REDIC1: variants seen among roughly 807,000 people sequenced by gnomAD.
The protein encoded by REDIC1 is regulator of DNA class I crossover intermediates 1, also known as HEI10 Interacting Protein 1.
the REDIC1 span, among the ~76,000 whole-genome samples, chr12:39,734,710 C>T: frequency 2.0e-3 from 309 of 152,290 alleles, no homozygotes; most frequent in Non-Finnish European, 3.4e-3. Flanking sequence ...AGTTTGAACT[C>T]TATTCTGTTT....
chr12:39,765,206 G>A, the REDIC1 span, among the ~76,000 whole-genome samples: 2 of 152,014 alleles, frequency 1.3e-5, no homozygotes, highest in African/African-American at 4.8e-5. Context: ...ATCATGACAA[G>A]ATTCAAATTT....
At chr12:39,791,071 G>GT in the REDIC1 span, among the ~76,000 whole-genome samples, 3 of 142,630 alleles carry the variant, frequency 2.1e-5, no homozygotes, top group African/African-American at 7.8e-5. Context: ...GGGGTTGTTT[G>GT]TTTTTTTCTT....
the REDIC1 span, among the ~76,000 whole-genome samples, chr12:39,801,396 A>G: frequency 1.3e-5 from 2 of 152,062 alleles, no homozygotes; most frequent in African/African-American, 4.8e-5. Flanking sequence ...GCAAAGGCAT[A>G]AACAAAACAT....
At chr12:39,806,842 T>C in the REDIC1 span, among the ~76,000 whole-genome samples, 1 of 152,124 alleles carries the variant, frequency 6.6e-6, no homozygotes. Context: ...TTTAAGAGGG[T>C]TAATTGTTAA....
At chr12:39,896,092 A>G in the REDIC1 span, among the ~76,000 whole-genome samples, 3 of 132,848 alleles carry the variant, frequency 2.3e-5, no homozygotes, top group African/African-American at 8.4e-5. Context: ...ACATATATGT[A>G]TACACGTGTA....
chr12:39,667,075 G>T, the REDIC1 span, among the ~76,000 whole-genome samples: 1 of 152,130 alleles, frequency 6.6e-6, no homozygotes, highest in East Asian at 1.9e-4. Flanking sequence ...CTTCAGTTCT[G>T]CTCTGATCTT....
chr12:39,646,744 A>G, the REDIC1 span: 1 of 783,388 alleles, frequency 1.3e-6, no homozygotes, highest in South Asian at 2.2e-5. Flanking sequence ...AGGTTTCTAT[A>G]TGTTTTGTGT....
chr12:39,901,861 T>C, the REDIC1 span, among the ~76,000 whole-genome samples: 1 of 150,324 alleles, frequency 6.7e-6, no homozygotes. Context: ...CAAAGGACTA[T>C]AAATCATGCT....
chr12:39,644,908 G>T, the REDIC1 span, among the ~76,000 whole-genome samples: 1 of 151,878 alleles, frequency 6.6e-6, no homozygotes, highest in East Asian at 1.9e-4. Context: ...TCTTAAGATT[G>T]GAAGAAATGG....
At chr12:39,718,892 C>A in the REDIC1 span, among the ~76,000 whole-genome samples, 1 of 152,114 alleles carries the variant, frequency 6.6e-6, no homozygotes, top group Non-Finnish European at 1.5e-5. Context: ...AGCATTAGAT[C>A]CTTCAGCTTC....
chr12:39,712,901 G>A, the REDIC1 span, among the ~76,000 whole-genome samples: 13 of 143,830 alleles, frequency 9.0e-5, no homozygotes, highest in Admixed American at 2.8e-4. Context: ...GCATATACGT[G>A]TATATACGTA....
chr12:39,652,184 A>G, the REDIC1 span, among the ~76,000 whole-genome samples: 1 of 152,114 alleles, frequency 6.6e-6, no homozygotes, highest in Non-Finnish European at 1.5e-5. Flanking sequence ...GTTTTTGCCT[A>G]TTCCAAATAT....
At chr12:39,867,274 T>G in the REDIC1 span, among the ~76,000 whole-genome samples, 1 of 152,200 alleles carries the variant, frequency 6.6e-6, no homozygotes, top group Non-Finnish European at 1.5e-5. Flanking sequence ...AAGATGAGTC[T>G]CTTCTTTCAT....
chr12:39,856,455 G>A, the REDIC1 span, among the ~76,000 whole-genome samples: 2 of 152,114 alleles, frequency 1.3e-5, no homozygotes, highest in Non-Finnish European at 2.9e-5. Context: ...TGTAACCTCT[G>A]CCTCCCGGGC....
chr12:39,732,647 T>C, the REDIC1 span, among the ~76,000 whole-genome samples: 2 of 152,234 alleles, frequency 1.3e-5, no homozygotes, highest in African/African-American at 2.4e-5. Flanking sequence ...CTTTAGTCTT[T>C]TATGTACTCA....
chr12:39,761,922 CAA>C, the REDIC1 span, among the ~76,000 whole-genome samples: 1 of 152,142 alleles, frequency 6.6e-6, no homozygotes, highest in Admixed American at 6.5e-5. Context: ...TTAGAAGTAA[CAA>C]ATCAAATCTG....
the REDIC1 span, among the ~76,000 whole-genome samples, chr12:39,876,832 G>C: frequency 6.6e-6 from 1 of 152,140 alleles, no homozygotes; most frequent in South Asian, 2.1e-4. Flanking sequence ...GCCAGTCTAA[G>C]TAGGACAAAT....
At chr12:39,659,473 T>C in the REDIC1 span, among the ~76,000 whole-genome samples, 8 of 152,226 alleles carry the variant, frequency 5.3e-5, 1 homozygote, top group South Asian at 1.7e-3. Context: ...TCCAGTCTTT[T>C]TTCTCTCATT....
the REDIC1 span, among the ~76,000 whole-genome samples, chr12:39,792,898 T>A: frequency 6.6e-6 from 1 of 152,154 alleles, no homozygotes; most frequent in Non-Finnish European, 1.5e-5. Flanking sequence ...ATGTGGGGCT[T>A]CTCTTTCTAC....
Sources: gnomAD v4.1 joint callset for allele counts (sites outside exome capture counted in the v4.1 genomes callset) on GRCh38, gnomAD v4.1.1 for gene constraint, MANE v1.5 for transcripts, NCBI Gene and HGNC (gene_info 2026-07-23, HGNC 2026-07-21) for gene names.